Variants in MAP3K2 observed in about 807,000 individuals in gnomAD.
MAP3K2 encodes the protein MAP/ERK kinase kinase 2.
Under a neutral mutation model 80.3 loss-of-function variants are expected in MAP3K2, and 24 were observed. That is an observed-to-expected ratio of 0.30 (90% confidence interval 0.22 to 0.42). The LOEUF (loss-of-function observed/expected upper bound fraction) is 0.42. Ranked by LOEUF, MAP3K2 falls within the 10% of genes least tolerant of loss-of-function variation. The probability of loss-of-function intolerance (pLI) is 1.00; values close to 1 mark genes in which losing one functional copy is unlikely to be tolerated. For synonymous variants in MAP3K2, 244 were observed against 253.7 expected, an observed-to-expected ratio of 0.96 and a Z score of 0.36; for missense variants, 608 against 750.1, an observed-to-expected ratio of 0.81 and a Z score of 2.21.
rs6743815 is a variant in MAP3K2 at position 127,364,709 on chromosome 2, G to C, written c.-65-21515C>G. Reference sequence around the variant, plus strand: ...CTAGACTACAATAACCTCAAATATAGGAACTATGTCTTCTACTTTATTCTG... The same window carrying C: ...CTAGACTACAATAACCTCAAATATACGAACTATGTCTTCTACTTTATTCTG... On this transcript the variant is annotated intron_variant, in intron 1 of 16. Coordinates refer to ENST00000682094, the MANE Select transcript of MAP3K2 (RefSeq NM_001371910.2). The surrounding 1 kb of genome is among the most constrained non-coding windows in gnomAD (Gnocchi z 4.1). Among the ~76,000 whole-genome samples the C allele has an allele frequency of 0.09, 13,708 of 152,120 alleles. 801 individuals carry two copies. Among genetic ancestry groups the C allele is most frequent in the African/African-American group, 0.17 (7,044 of 41,468 alleles).
At position 127,326,806 on chromosome 2, in the gene MAP3K2, T is replaced by C. The variant is rs767432874; in HGVS notation, c.478A>G (p.Arg160Gly). ...CCTGGGGGAGGAGAACTTCTATCTCTACTAGTAGGACCTCAAGGAAGAAAA... is the reference window on the plus strand; with the variant it reads ...CCTGGGGGAGGAGAACTTCTATCTCCACTAGTAGGACCTCAAGGAAGAAAA... ...KRLSIIGPTSRDRSSPPPGYI... is the reference protein window; with the variant it reads ...KRLSIIGPTSGDRSSPPPGYI... The change falls in exon 8 of 17, where the codon AGA becomes GGA. Residue 160 changes from arginine (R) to glycine (G), a missense_variant. Physicochemically the swap from Arg to Gly is moderately radical, Grantham distance 125. This residue lies in a region of MAP3K2 where 467 missense variants were observed against 521.9 expected (regional missense o/e 0.89). Transcript: ENST00000682094. 6.3e-7 allele frequency: 1 copy of C among 1,575,384 alleles called. No individual in the cohort carries two copies. The highest frequency in any genetic ancestry group is 8.6e-7 in the Non-Finnish European group (1 of 1,161,914).
Position 127,322,317 on chromosome 2 carries a change from A to T in MAP3K2, c.839-65T>A. 1.9e-6 allele frequency: 2 copies of T among 1,069,348 alleles called. No homozygotes were observed. The highest frequency in any genetic ancestry group is 2.7e-6 in the Non-Finnish European group (2 of 741,536). 66.2% of individuals were successfully genotyped at this position (1,069,348 alleles called of 1,614,324 possible). ...ATATGTTATACTTTTAAAGTATTTA[A>T]AATTTGTAATGTAGAGAATAGAAAT... On this transcript the variant is annotated intron_variant, in intron 11 of 16. Coordinates refer to ENST00000682094, the MANE Select transcript of MAP3K2 (RefSeq NM_001371910.2). This position sits in a 1 kb window ranked among gnomAD's most constrained non-coding sequence, Gnocchi z 4.2.
chr2:127,345,226 C>T (rs143664342), intron 1 of MAP3K2, among the ~76,000 whole-genome samples: 1 of 152,162 alleles, frequency 6.6e-6, no homozygotes, highest in African/African-American at 2.4e-5. Context: ...GTAGTCAAAA[C>T]AGACCTGCAG....
rs148797622 is a variant in MAP3K2, at chr2:127,348,141, A to T, written c.-65-4947T>A. ...TACAGATTACATCTGTAATCCCAGCACTTTGGGAAGCTGAGATAATTGGAT... is the reference window on the plus strand; with the variant it reads ...TACAGATTACATCTGTAATCCCAGCTCTTTGGGAAGCTGAGATAATTGGAT... On this transcript the variant is annotated intron_variant, in intron 1 of 16. Coordinates refer to ENST00000682094, the MANE Select transcript of MAP3K2 (RefSeq NM_001371910.2). Among the ~76,000 whole-genome samples the T allele has an allele frequency of 2.4e-3, 359 of 152,278 alleles. 7 individuals are homozygous for T. Among genetic ancestry groups the T allele is most frequent in the African/African-American group, 7.7e-3 (319 of 41,512 alleles).
rs994839973 is a variant in MAP3K2 at position 127,387,571 on chromosome 2, G to A, written c.-185C>T. On this transcript the variant is annotated 5_prime_UTR_variant, in exon 1 of 17. Transcript: ENST00000682094. ...GCCCCAGGTCGGGGGCTGCCGCAGGGCCCCCGGGGACCGGAGGGGCGCGCG... is the reference window on the plus strand; with the variant it reads ...GCCCCAGGTCGGGGGCTGCCGCAGGACCCCCGGGGACCGGAGGGGCGCGCG... 7 of 984,834 alleles carry A rather than the reference G, an allele frequency of 7.1e-6. No homozygotes were observed. In the African/African-American group the frequency reaches 1.0e-4, roughly 15 times the overall value. 61.0% of individuals were successfully genotyped at this position (984,834 alleles called of 1,614,324 possible).
chr2:127,368,986 T>C (rs1199366177), intron 1 of MAP3K2, among the ~76,000 whole-genome samples: 1 of 151,984 alleles, frequency 6.6e-6, no homozygotes, highest in Non-Finnish European at 1.5e-5. Flanking sequence ...CTCACTCTGT[T>C]GCCCAGGTTG....
chr2:127,353,681 G>A (rs1001206465), intron 1 of MAP3K2, among the ~76,000 whole-genome samples: 10 of 151,000 alleles, frequency 6.6e-5, no homozygotes, highest in Non-Finnish European at 1.0e-4. Flanking sequence ...GCCTCTGCCC[G>A]GCCGCCCCTA....
At chr2:127,327,320 T>C (rs1174871799) in intron 7 of MAP3K2, among the ~76,000 whole-genome samples, 1 of 152,194 alleles carries the variant, frequency 6.6e-6, no homozygotes, top group South Asian at 2.1e-4. Flanking sequence ...TGTGAGTATA[T>C]GCAAGCATTT....
chr2:127,377,629 T>C (rs1687173379), intron 1 of MAP3K2, among the ~76,000 whole-genome samples: 1 of 152,200 alleles, frequency 6.6e-6, no homozygotes, highest in Admixed American at 6.5e-5. Context: ...CAGAAAAATA[T>C]GATATACCAT....
At chr2:127,383,972 C>CA (rs1366002646) in intron 1 of MAP3K2, among the ~76,000 whole-genome samples, 1 of 150,508 alleles carries the variant, frequency 6.6e-6, no homozygotes, top group African/African-American at 2.4e-5. Context: ...CTCCCGGGTT[C>CA]ACGCCATTCT....
intron 15 of MAP3K2, among the ~76,000 whole-genome samples, chr2:127,313,561 G>A (rs1414935461): frequency 6.6e-6 from 1 of 152,110 alleles, no homozygotes; most frequent in Non-Finnish European, 1.5e-5. Flanking sequence ...TGAAAGCCTG[G>A]GAGCTCGTAA....
chr2:127,343,011 T>C, intron 2 of MAP3K2, 115 bp downstream of exon 2: 1 of 711,160 alleles, frequency 1.4e-6, no homozygotes, highest in South Asian at 2.0e-5. Context: ...ATAAATCTGC[T>C]ATATCATAAA....
In MAP3K2 at chr2:127,348,524, A is replaced by G. The variant is rs572069906; in HGVS notation, c.-65-5330T>C. 2.6e-5 allele frequency among the ~76,000 whole-genome samples: 4 copies of G among 152,312 alleles called. No individual in the cohort carries two copies. The East Asian group carries it at 7.7e-4, about 29-fold the overall frequency. Reference sequence around the variant, plus strand: ...AAAGCCCCATATTCCACTTACATGAAATGTCTAGAATAGCAAATCTACAGA... The same window carrying G: ...AAAGCCCCATATTCCACTTACATGAGATGTCTAGAATAGCAAATCTACAGA... On this transcript the variant is annotated intron_variant, in intron 1 of 16. Coordinates refer to ENST00000682094, the MANE Select transcript of MAP3K2 (RefSeq NM_001371910.2).
chr2:127,360,440 A>G (rs1405312970), intron 1 of MAP3K2, among the ~76,000 whole-genome samples: 1 of 152,224 alleles, frequency 6.6e-6, no homozygotes, highest in Non-Finnish European at 1.5e-5. Context: ...GACGAATTAC[A>G]AAAGAGCCTG....
chr2:127,362,653 A>G (rs2104875146), intron 1 of MAP3K2, among the ~76,000 whole-genome samples: 1 of 152,360 alleles, frequency 6.6e-6, no homozygotes, highest in East Asian at 1.9e-4. Flanking sequence ...GCAACAACCC[A>G]TAATTGGTTT....
In MAP3K2 at chr2:127,302,492, C is replaced by A. The variant is rs4233583; in HGVS notation, c.*5087G>T. On this transcript the variant is annotated 3_prime_UTR_variant, in exon 17 of 17. Transcript: ENST00000682094. ...ATGCAAACGCACACATACATGCACACATGCACACACTTCACAGAAAAGTAA... is the reference window on the plus strand; with the variant it reads ...ATGCAAACGCACACATACATGCACAAATGCACACACTTCACAGAAAAGTAA... 52,557 of 151,818 alleles carry A rather than the reference C, an allele frequency of 0.35. 9,964 individuals carry two copies. The highest frequency in any genetic ancestry group is 0.62 in the East Asian group (3,185 of 5,156). The allele number at this position is 151,818 out of a possible 1,614,324, so 9.4% of individuals were successfully genotyped here. A position where few individuals can be genotyped will look rare whatever the true frequency, so the allele number is the denominator to read the frequency against.
At chr2:127,366,082 GTCC>G (rs1427856989) in intron 1 of MAP3K2, among the ~76,000 whole-genome samples, 1 of 152,066 alleles carries the variant, frequency 6.6e-6, no homozygotes, top group Non-Finnish European at 1.5e-5. Context: ...GTTCTGCACT[GTCC>G]TCCTTTGCTT....
intron 5 of MAP3K2, 32 bp downstream of exon 5, chr2:127,335,838 A>G: frequency 8.3e-7 from 1 of 1,201,420 alleles, no homozygotes; most frequent in Non-Finnish European, 1.2e-6. Flanking sequence ...TTTGAAGGTA[A>G]GATCTACTAA....
intron 1 of MAP3K2, among the ~76,000 whole-genome samples, chr2:127,363,436 T>A (rs2104876007): frequency 6.6e-6 from 1 of 152,324 alleles, no homozygotes; most frequent in Admixed American, 6.5e-5. Flanking sequence ...TCAGTCAAAA[T>A]CAGTTCATAT....
Sources: allele counts gnomAD v4.1 joint callset (sites outside exome capture counted in the v4.1 genomes callset), GRCh38; gene constraint gnomAD v4.1.1; regional missense constraint gnomAD v4.1.1; non-coding constraint Gnocchi (gnomAD v3.1); transcripts MANE v1.5; gene names NCBI Gene and HGNC (gene_info 2026-07-23, HGNC 2026-07-21).